Variants in TMIGD1 observed in about 807,000 individuals in gnomAD.
TMIGD1 encodes the protein transmembrane and immunoglobulin domain-containing protein 1.
TMIGD1 carries 29 observed loss-of-function variants against 27.5 expected under a neutral mutation model. The observed-to-expected ratio is 1.05, with a 90% CI of 0.78 to 1.44. TMIGD1 has a LOEUF of 1.44. TMIGD1 is among the 40% of genes most tolerant of loss of function. The probability of loss-of-function intolerance (pLI) is 0.00; values close to 1 mark genes in which losing one functional copy is unlikely to be tolerated. For synonymous variants in TMIGD1, 109 were observed against 110.3 expected, an observed-to-expected ratio of 0.99 and a Z score of 0.07; for missense variants, 334 against 310.6, an observed-to-expected ratio of 1.08 and a Z score of -0.57.
At chr17:30,330,320 A>G (rs1909934027) in intron 2 of TMIGD1, among the ~76,000 whole-genome samples, 1 of 152,174 alleles carries the variant, frequency 6.6e-6, no homozygotes, top group African/African-American at 2.4e-5. Context: ...TATATATTGA[A>G]TACACACACA....
chr17:30,318,446 T>C (rs1272495462), intron 5 of TMIGD1, among the ~76,000 whole-genome samples: 2 of 152,222 alleles, frequency 1.3e-5, no homozygotes, highest in Non-Finnish European at 2.9e-5. Flanking sequence ...ATCTTTTCCA[T>C]GCAGATCTCT....
At chr17:30,319,400 G>A (rs1203500195) in intron 4 of TMIGD1, among the ~76,000 whole-genome samples, 2 of 140,972 alleles carry the variant, frequency 1.4e-5, no homozygotes, top group African/African-American at 5.5e-5. Context: ...ACTCCAGTCT[G>A]GGTGACAGAG....
Position 30,316,782 on chromosome 17 carries a change from T to TAG in TMIGD1, c.786-93_786-92insCT. 9 of 1,207,198 alleles carry TAG rather than the reference T, an allele frequency of 7.5e-6. No homozygotes were observed. In the South Asian group the frequency reaches 1.2e-4, roughly 16 times the overall value. 74.8% of individuals were successfully genotyped at this position (1,207,198 alleles called of 1,614,324 possible). A position where few individuals can be genotyped will look rare whatever the true frequency, so the allele number is the denominator to read the frequency against. On this transcript the variant is annotated intron_variant, in intron 6 of 6. Coordinates refer to ENST00000328886, the MANE Select transcript of TMIGD1 (RefSeq NM_206832.3). ...CCCATACTCTCTGACAACATGCCTT[T>TAG]GTTCTTATTACCTACTACCCACTTC... is the stretch of plus-strand genomic sequence containing the variant.
intron 2 of TMIGD1, among the ~76,000 whole-genome samples, chr17:30,329,898 C>A: frequency 6.7e-6 from 1 of 148,876 alleles, no homozygotes; most frequent in African/African-American, 2.5e-5. Flanking sequence ...TAGTGAGACT[C>A]CGTCTCTACA....
In TMIGD1 at chr17:30,328,119, C is replaced by T. The variant is rs560900504; in HGVS notation, c.361+1132G>A. On this transcript the variant is annotated intron_variant, in intron 3 of 6. Transcript: ENST00000328886. ...GTGGCATCTCAGCTCATTGCAACCT[C>T]TGCTTCTTGAGTTCAAGCAATTCTC... Among the ~76,000 whole-genome samples the T allele has an allele frequency of 3.3e-5, 5 of 151,488 alleles. No individual in the cohort carries two copies. The South Asian group carries it at 6.3e-4, about 19-fold the overall frequency.
chr17:30,319,259 A>ATATAT (rs1389850047), intron 4 of TMIGD1, among the ~76,000 whole-genome samples: 1 of 52,288 alleles, frequency 1.9e-5, no homozygotes, highest in African/African-American at 1.9e-4. Context: ...GAAAAAAAAA[A>ATATAT]AAATATATAT....
intron 3 of TMIGD1, 121 bp downstream of exon 3, chr17:30,329,130 A>T (rs878969139): frequency 8.3e-7 from 1 of 1,199,836 alleles, no homozygotes; most frequent in African/African-American, 1.5e-5. Context: ...AGGTACTCTC[A>T]TACTTTGTGG....
chr17:30,326,046 A>C (rs958515206), intron 3 of TMIGD1, among the ~76,000 whole-genome samples: 11 of 152,214 alleles, frequency 7.2e-5, no homozygotes, highest in African/African-American at 2.7e-4. Flanking sequence ...TATAATCTGC[A>C]CACTGAATAA....
intron 4 of TMIGD1, among the ~76,000 whole-genome samples, chr17:30,321,116 C>G (rs1197185976): frequency 6.6e-6 from 1 of 151,956 alleles, no homozygotes; most frequent in Non-Finnish European, 1.5e-5. Flanking sequence ...CCTTGGCCTC[C>G]TAAAGTGCTG....
At chr17:30,330,086 A>C (rs138196356) in intron 2 of TMIGD1, among the ~76,000 whole-genome samples, 2,133 of 151,748 alleles carry the variant, frequency 0.014, 39 homozygotes, top group African/African-American at 0.038. Context: ...CCTTGCCCCC[A>C]AAAAAAAGTA....
At chr17:30,325,709 T>C (rs1020079128) in intron 3 of TMIGD1, among the ~76,000 whole-genome samples, 1 of 152,208 alleles carries the variant, frequency 6.6e-6, no homozygotes, top group Non-Finnish European at 1.5e-5. Context: ...CGTCTGTTTT[T>C]GCATTTTATC....
chr17:30,333,273 C>CAAA (rs1258253575), intron 1 of TMIGD1, among the ~76,000 whole-genome samples: 6 of 93,594 alleles, frequency 6.4e-5, no homozygotes, highest in African/African-American at 2.0e-4. Flanking sequence ...ACTAAAAATG[C>CAAA]AAAAAAAAAA....
At chr17:30,324,761 G>A (rs1164929837) in intron 4 of TMIGD1, 55 bp downstream of exon 4, 11 of 1,546,608 alleles carry the variant, frequency 7.1e-6, no homozygotes, top group African/African-American at 1.4e-5. Context: ...AATATTCACT[G>A]AGCATCTGGT....
chr17:30,332,827 T>C (rs992658768), intron 1 of TMIGD1, among the ~76,000 whole-genome samples: 1 of 152,138 alleles, frequency 6.6e-6, no homozygotes, highest in African/African-American at 2.4e-5. Flanking sequence ...AAACATATAT[T>C]CATTACTTCC....
intron 4 of TMIGD1, among the ~76,000 whole-genome samples, chr17:30,322,039 G>A (rs1210887730): frequency 2.0e-5 from 3 of 152,098 alleles, no homozygotes; most frequent in Admixed American, 6.6e-5. Flanking sequence ...ATGTTGCCCA[G>A]GCTGTTTTGG....
chr17:30,317,478 G>A (rs1020999249), intron 5 of TMIGD1, among the ~76,000 whole-genome samples: 1 of 152,116 alleles, frequency 6.6e-6, no homozygotes, highest in African/African-American at 2.4e-5. Context: ...AAAAAATGCG[G>A]CCGAGTGCAG....
Position 30,329,528 on chromosome 17 carries a change from A to G in TMIGD1, c.84T>C (p.Ser28=). ...TTTTACCATTCACAGTTAAAACAGA[A>G]CCTGGGAGTATAGGGAGAAACTATT... ...VILFLPREMT[S]SVLTVNGKTE... Residue 28 remains serine, a splice_region_variant and synonymous_variant, in exon 3 of 7, where the codon AGT becomes AGC. Coordinates refer to ENST00000328886, the MANE Select transcript of TMIGD1 (RefSeq NM_206832.3). 2 of 1,606,860 alleles carry G rather than the reference A, an allele frequency of 1.2e-6. No individual in the cohort carries two copies. Among genetic ancestry groups the G allele is most frequent in the Non-Finnish European group, 1.7e-6 (2 of 1,174,316 alleles).
In TMIGD1 at chr17:30,318,899, C is replaced by A. The variant is rs928516510; in HGVS notation, c.655G>T (p.Val219Leu). ...GCAGCAATAATGGGCTCTATTGGTA[C>A]ACCCACAGTTTTATCTGTAGGAAAT... ...HLIVKDKTVG[V>L]PIEPIIAACV... Residue 219 changes from valine to leucine, a missense_variant, in exon 5 of 7, where the codon GTA becomes TTA. Val to Leu is a conservative substitution (Grantham distance 32). Coordinates refer to ENST00000328886, the MANE Select transcript of TMIGD1 (RefSeq NM_206832.3). 1 of 1,612,572 alleles carries A rather than the reference C, an allele frequency of 6.2e-7. No individual in the cohort carries two copies. Among genetic ancestry groups the A allele is most frequent in the African/African-American group, 1.3e-5 (1 of 74,876 alleles).
At chr17:30,320,486 TTTAAGC>T (rs1909583223) in intron 4 of TMIGD1, among the ~76,000 whole-genome samples, 1 of 152,168 alleles carries the variant, frequency 6.6e-6, no homozygotes, top group Non-Finnish European at 1.5e-5. Context: ...TTAATCAATG[TTTAAGC>T]ATCTGTAAAA....
Sources: gnomAD v4.1 joint callset for allele counts (sites outside exome capture counted in the v4.1 genomes callset) on GRCh38, gnomAD v4.1.1 for gene constraint, MANE v1.5 for transcripts, NCBI Gene and HGNC (gene_info 2026-07-23, HGNC 2026-07-21) for gene names.